SYT2: variants seen among roughly 807,000 people sequenced by gnomAD.
SYT2 encodes the protein synaptotagmin-2.
Under a neutral mutation model 39.9 loss-of-function variants are expected in SYT2, and 15 were observed. That is an observed-to-expected ratio of 0.38 (90% CI 0.25 to 0.58). The LOEUF (loss-of-function observed/expected upper bound fraction) is 0.58. Among genes scored for constraint, SYT2 ranks in the 20% least tolerant of loss-of-function variants. The pLI, the probability that SYT2 is intolerant of heterozygous loss-of-function variation, is 0.70. For missense variants in SYT2, 389 were observed against 530.3 expected, an observed-to-expected ratio of 0.73 and a Z score of 2.62; for synonymous variants, 181 against 204.5, an observed-to-expected ratio of 0.89 and a Z score of 0.98.
intron 1 of SYT2, among the ~76,000 whole-genome samples, chr1:202,620,430 A>G (rs1691172252): frequency 6.6e-6 from 1 of 151,438 alleles, no homozygotes; most frequent in Non-Finnish European, 1.5e-5. Context: ...GTTGGGGAGC[A>G]GGTGACAACC....
chr1:202,633,763 A>C (rs1691663583), intron 1 of SYT2, among the ~76,000 whole-genome samples: 1 of 152,204 alleles, frequency 6.6e-6, no homozygotes, highest in Non-Finnish European at 1.5e-5. Flanking sequence ...TGCACCTCCC[A>C]TCTCAGCCCT....
chr1:202,633,080 C>G (rs139640655), intron 1 of SYT2, among the ~76,000 whole-genome samples: 1 of 152,332 alleles, frequency 6.6e-6, no homozygotes, highest in African/African-American at 2.4e-5. Flanking sequence ...AGACGCGCCT[C>G]GCTTGGTGCT....
At chr1:202,666,152 C>CAAA (rs56942389) in intron 1 of SYT2, among the ~76,000 whole-genome samples, 1 of 102,932 alleles carries the variant, frequency 9.7e-6, no homozygotes, top group African/African-American at 4.0e-5. Context: ...GACTCCGTCT[C>CAAA]AAAAAAAAAA....
At position 202,593,934 on chromosome 1, in the gene SYT2, C is replaced by T. The variant is rs976136758; in HGVS notation, c.*2823G>A. 1.5e-4 allele frequency: 23 copies of T among 152,214 alleles called. No homozygotes were observed. Among genetic ancestry groups the T allele is most frequent in the Admixed American group, 1.5e-3 (23 of 15,256 alleles). The allele number at this position is 152,214 out of a possible 1,614,324, so 9.4% of individuals were successfully genotyped here. A position where few individuals can be genotyped will look rare whatever the true frequency, so the allele number is the denominator to read the frequency against. ...TCTATCCTGCTTAGTGCCTACACCC[C>T]AGTACCCTGACATCCCCAGAAATAA... On this transcript the variant is annotated 3_prime_UTR_variant, in exon 9 of 9. Coordinates refer to ENST00000367268, the MANE Select transcript of SYT2 (RefSeq NM_177402.5).
chr1:202,626,382 C>T (rs1691405061), intron 1 of SYT2, among the ~76,000 whole-genome samples: 3 of 146,030 alleles, frequency 2.1e-5, no homozygotes, highest in Admixed American at 1.4e-4. Flanking sequence ...TTGCATCTCC[C>T]AAGACAGCCT....
intron 1 of SYT2, among the ~76,000 whole-genome samples, chr1:202,687,950 T>C (rs1653714285): frequency 6.6e-6 from 1 of 152,158 alleles, no homozygotes; most frequent in Admixed American, 6.5e-5. Context: ...CACAATGTCA[T>C]CACAACTCTG....
At chr1:202,691,773 GAGAGAGAGAGAT>G (rs1653841237) in intron 1 of SYT2, among the ~76,000 whole-genome samples, 20 of 144,506 alleles carry the variant, frequency 1.4e-4, no homozygotes, top group African/African-American at 3.9e-4. Context: ...GAGAGAGAGA[GAGAGAGAGAGAT>G]GGGAGAGGGT....
chr1:202,665,025 T>C (rs962016246), intron 1 of SYT2, among the ~76,000 whole-genome samples: 1 of 152,230 alleles, frequency 6.6e-6, no homozygotes, highest in Non-Finnish European at 1.5e-5. Context: ...TTCTTTTTAT[T>C]ACTGAATATA....
At position 202,704,126 on chromosome 1, in the gene SYT2, G is replaced by T. The variant is rs116737798; in HGVS notation, c.-18+6132C>A. On this transcript the variant is annotated intron_variant, in intron 1 of 8. Transcript: ENST00000367268. Reference sequence around the variant, plus strand: ...TTGGGCTTCTAGTTTCTCTGCAGGGGATGGGAGGAAGTGAAGCAAGCTTTG... The same window carrying T: ...TTGGGCTTCTAGTTTCTCTGCAGGGTATGGGAGGAAGTGAAGCAAGCTTTG... Among the ~76,000 whole-genome samples the T allele has an allele frequency of 6.5e-3, 996 of 152,290 alleles. 15 individuals carry two copies. Among genetic ancestry groups the T allele is most frequent in the African/African-American group, 0.023 (968 of 41,560 alleles).
intron 1 of SYT2, among the ~76,000 whole-genome samples, chr1:202,648,290 C>T (rs1226315540): frequency 6.6e-6 from 1 of 152,058 alleles, no homozygotes; most frequent in African/African-American, 2.4e-5. Context: ...AAGAGATTCT[C>T]ATGCCTCAGC....
chr1:202,631,019 C>G (rs1691572475), intron 1 of SYT2, among the ~76,000 whole-genome samples: 1 of 152,216 alleles, frequency 6.6e-6, no homozygotes, highest in Non-Finnish European at 1.5e-5. Context: ...AGGGCCCAGC[C>G]CTGCACCATT....
At chr1:202,608,560 G>A (rs187455406) in intron 1 of SYT2, among the ~76,000 whole-genome samples, 314 of 152,258 alleles carry the variant, frequency 2.1e-3, no homozygotes, top group Middle Eastern at 6.8e-3. Flanking sequence ...ACAGGCATGA[G>A]CCACCGCACC....
intron 1 of SYT2, among the ~76,000 whole-genome samples, chr1:202,621,838 C>T (rs1240824703): frequency 1.3e-5 from 2 of 152,160 alleles, no homozygotes; most frequent in East Asian, 1.9e-4. Context: ...CTTGGTGTGC[C>T]CCCAAATGAG....
In SYT2 at chr1:202,646,660, C is replaced by A. The variant is rs556385864; in HGVS notation, c.-17-40871G>T. ...ATGGGGATTTTGATTATAAAACAGA[C>A]TTTTTGTAAAGATTAACGGGATAAT... On this transcript the variant is annotated intron_variant, in intron 1 of 8. Coordinates refer to ENST00000367268, the MANE Select transcript of SYT2 (RefSeq NM_177402.5). 2.0e-5 allele frequency among the ~76,000 whole-genome samples: 3 copies of A among 152,328 alleles called. No individual in the cohort carries two copies. In the South Asian group the frequency reaches 6.2e-4, roughly 32 times the overall value.
chr1:202,592,357 C>T lies in SYT2; in HGVS notation c.*4400G>A, dbSNP rs1273271412. The T allele has an allele frequency of 6.5e-6, 1 of 152,678 alleles. No individual in the cohort carries two copies. Among genetic ancestry groups the T allele is most frequent in the African/African-American group, 2.4e-5 (1 of 41,458 alleles). 9.5% of individuals were successfully genotyped at this position (152,678 alleles called of 1,614,324 possible). On this transcript the variant is annotated 3_prime_UTR_variant, in exon 9 of 9. Transcript: ENST00000367268. ...ACTGGAGCAGGCACCGACTCCCGCCCACTGATGACTCCCATGGGGGGTTTC... is the reference window on the plus strand; with the variant it reads ...ACTGGAGCAGGCACCGACTCCCGCCTACTGATGACTCCCATGGGGGGTTTC...
Position 202,602,429 on chromosome 1 carries a change from T to A in SYT2, c.582A>T (p.Lys194Asn). Reference sequence around the variant, plus strand: ...CAGGGTTCAGTGTCTTCCGATGGACTTTGGTCTCATATTTCTTCTTCTTGT... The same window carrying A: ...CAGGGTTCAGTGTCTTCCGATGGACATTGGTCTCATATTTCTTCTTCTTGT... ...LPDKKKKYETKVHRKTLNPAF... is the reference protein window; with the variant it reads ...LPDKKKKYETNVHRKTLNPAF... Residue 194 changes from lysine (K) to asparagine (N), a missense_variant, in exon 5 of 9, where the codon AAA becomes AAT. Physicochemically the swap from Lys to Asn is moderately conservative, Grantham distance 94 (BLOSUM62 0). Coordinates refer to ENST00000367268, the MANE Select transcript of SYT2 (RefSeq NM_177402.5). 1 of 1,614,208 alleles carries A rather than the reference T, an allele frequency of 6.2e-7. No individual in the cohort carries two copies. Among genetic ancestry groups the A allele is most frequent in the Non-Finnish European group, 8.5e-7 (1 of 1,180,004 alleles).
intron 1 of SYT2, among the ~76,000 whole-genome samples, chr1:202,624,820 TG>T (rs1691325079): frequency 7.0e-6 from 1 of 143,608 alleles, no homozygotes; most frequent in African/African-American, 2.6e-5. Flanking sequence ...GTGTGTGTGG[TG>T]TCTGGTCTGT....
chr1:202,611,349 GGT>G (rs1241137788), intron 1 of SYT2, among the ~76,000 whole-genome samples: 1 of 151,986 alleles, frequency 6.6e-6, no homozygotes, highest in Non-Finnish European at 1.5e-5. Context: ...GTGTGTGTGT[GGT>G]GTTTTTTTGT....
intron 1 of SYT2, among the ~76,000 whole-genome samples, chr1:202,627,031 G>C (rs968039891): frequency 3.9e-5 from 6 of 152,332 alleles, no homozygotes; most frequent in African/African-American, 1.4e-4. Context: ...GACAGACCTT[G>C]TGTTACCCAC....
Sources: allele counts gnomAD v4.1 joint callset (sites outside exome capture counted in the v4.1 genomes callset), GRCh38; gene constraint gnomAD v4.1.1; transcripts MANE v1.5; gene names NCBI Gene and HGNC (gene_info 2026-07-23, HGNC 2026-07-21).